Variants in DNER observed in about 807,000 individuals in gnomAD.
DNER encodes the protein delta and Notch-like epidermal growth factor-related receptor.
DNER carries 33 observed loss-of-function variants against 78.2 expected under a neutral mutation model. The observed-to-expected ratio is 0.42, with a 90% CI of 0.32 to 0.56. The LOEUF (loss-of-function observed/expected upper bound fraction) is 0.56, where lower values mean the gene tolerates loss of function less well. Among genes scored for constraint, DNER ranks in the 20% least tolerant of loss-of-function variants. The pLI is 0.11. For missense variants in DNER, 918 were observed against 975.3 expected (o/e 0.94, Z 0.78); for synonymous variants, 417 against 384.8 (o/e 1.08, Z -0.98).
At position 229,499,931 on chromosome 2, in the gene DNER, CTT is replaced by C. The variant is rs58019962; in HGVS notation, c.1147+12850_1147+12851del. Among the ~76,000 whole-genome samples, 327 of 134,794 alleles carry C rather than the reference CTT, an allele frequency of 2.4e-3. 3 individuals carry two copies. Among genetic ancestry groups the C allele is most frequent in the East Asian group, 0.011 (56 of 4,876 alleles). 88.4% of individuals were successfully genotyped at this position (134,794 alleles called of 152,430 possible). A position where few individuals can be genotyped will look rare whatever the true frequency, so the allele number is the denominator to read the frequency against. On this transcript the variant is annotated intron_variant, in intron 6 of 12. Coordinates refer to ENST00000341772, the MANE Select transcript of DNER (RefSeq NM_139072.4). ...CAAAAAATCTGAATAGACTTTCTTT[CTT>C]TTTTTTTTTTTTTCTCTTCAAGACA...
intron 7 of DNER, among the ~76,000 whole-genome samples, chr2:229,463,602 A>G (rs1694746053): frequency 6.6e-6 from 1 of 151,950 alleles, no homozygotes; most frequent in African/African-American, 2.4e-5. Flanking sequence ...ACCACATCCA[A>G]TTAAATTTCA....
At chr2:229,635,036 G>A (rs1698503883) in intron 1 of DNER, among the ~76,000 whole-genome samples, 2 of 152,218 alleles carry the variant, frequency 1.3e-5, no homozygotes, top group Non-Finnish European at 2.9e-5. Flanking sequence ...AGCAGTGTCT[G>A]TGTTGACACA....
In DNER at chr2:229,698,762, C is replaced by T. The variant is rs1336598944; in HGVS notation, c.276+15386G>A. Among the ~76,000 whole-genome samples, 5 of 152,232 alleles carry T rather than the reference C, an allele frequency of 3.3e-5. No individual in the cohort carries two copies. The East Asian group carries it at 9.6e-4, about 29-fold the overall frequency. On this transcript the variant is annotated intron_variant, in intron 1 of 12. Coordinates refer to ENST00000341772, the MANE Select transcript of DNER (RefSeq NM_139072.4). Reference sequence around the variant, plus strand: ...TAATATGGAATTTACTTCTCTCCAGCTAAAGGTTTATTTGGGGCCTCATAG... The same window carrying T: ...TAATATGGAATTTACTTCTCTCCAGTTAAAGGTTTATTTGGGGCCTCATAG...
intron 7 of DNER, among the ~76,000 whole-genome samples, chr2:229,462,928 T>G (rs1054224757): frequency 1.4e-4 from 22 of 152,102 alleles, no homozygotes; most frequent in Non-Finnish European, 2.8e-4. Flanking sequence ...GCTTACAGAG[T>G]TGACTCCTCC....
chr2:229,488,342 G>A (rs1317562668), intron 6 of DNER, among the ~76,000 whole-genome samples: 1 of 152,224 alleles, frequency 6.6e-6, no homozygotes, highest in Non-Finnish European at 1.5e-5. Flanking sequence ...ATGTCTGCGT[G>A]CATGTGTGCA....
At chr2:229,367,696 G>C (rs1314419503) in intron 11 of DNER, among the ~76,000 whole-genome samples, 1 of 152,122 alleles carries the variant, frequency 6.6e-6, no homozygotes, top group East Asian at 1.9e-4. Context: ...CTTGGCTTCA[G>C]AATTACAAAA....
chr2:229,537,507 C>A (rs1696429367), intron 5 of DNER, among the ~76,000 whole-genome samples: 1 of 152,094 alleles, frequency 6.6e-6, no homozygotes, highest in Non-Finnish European at 1.5e-5. Flanking sequence ...ATCTCTTAGA[C>A]CTTGATTTCC....
At chr2:229,623,124 G>A (rs1224457127) in intron 1 of DNER, among the ~76,000 whole-genome samples, 2 of 151,952 alleles carry the variant, frequency 1.3e-5, no homozygotes, top group South Asian at 2.1e-4. Context: ...TGAGACTCTC[G>A]CAGACCTCAT....
intron 9 of DNER, among the ~76,000 whole-genome samples, chr2:229,412,278 C>T (rs1693539572): frequency 6.6e-6 from 1 of 152,184 alleles, no homozygotes; most frequent in South Asian, 2.1e-4. Context: ...TCTAACAATT[C>T]CATAATCTAC....
At chr2:229,446,446 G>A (rs1301071727) in intron 8 of DNER, among the ~76,000 whole-genome samples, 1 of 152,188 alleles carries the variant, frequency 6.6e-6, no homozygotes, top group East Asian at 1.9e-4. Flanking sequence ...GGGTAACGGG[G>A]AGCACGCATT....
intron 5 of DNER, among the ~76,000 whole-genome samples, chr2:229,526,718 T>C (rs964187211): frequency 2.0e-5 from 3 of 152,226 alleles, no homozygotes; most frequent in African/African-American, 7.2e-5. Flanking sequence ...CCACTGACTT[T>C]CTGCTATGCG....
At chr2:229,527,193 C>T (rs926259603) in intron 5 of DNER, among the ~76,000 whole-genome samples, 1 of 152,140 alleles carries the variant, frequency 6.6e-6, no homozygotes, top group Non-Finnish European at 1.5e-5. Flanking sequence ...TAAACTTAGC[C>T]TGGTTTATTT....
At chr2:229,661,284 A>T (rs1003631529) in intron 1 of DNER, among the ~76,000 whole-genome samples, 1 of 152,054 alleles carries the variant, frequency 6.6e-6, no homozygotes, top group Non-Finnish European at 1.5e-5. Context: ...TGCTTCCCCA[A>T]ATCTCCTGTA....
intron 4 of DNER, among the ~76,000 whole-genome samples, chr2:229,573,455 C>A (rs1005323811): frequency 6.6e-6 from 1 of 152,150 alleles, no homozygotes; most frequent in Non-Finnish European, 1.5e-5. Flanking sequence ...ATACCCAAGA[C>A]CTTTGTGAGA....
chr2:229,592,676 T>TAGCA (rs1559176362), intron 1 of DNER, among the ~76,000 whole-genome samples: 16 of 152,158 alleles, frequency 1.1e-4, no homozygotes, highest in African/African-American at 3.4e-4. Flanking sequence ...GTGTTGGTAG[T>TAGCA]TGCAGACACG....
chr2:229,388,758 CA>C (rs137976658), intron 10 of DNER, among the ~76,000 whole-genome samples: 11,837 of 150,324 alleles, frequency 0.079, 625 homozygotes, highest in South Asian at 0.12. Context: ...CCGGGTTGAT[CA>C]GAAAAAGTGA....
chr2:229,359,074 C>G (rs4972896), intron 12 of DNER, among the ~76,000 whole-genome samples: 18,243 of 152,170 alleles, frequency 0.12, 1,833 homozygotes, highest in East Asian at 0.52. Flanking sequence ...CATGGACAGA[C>G]AGCCTTTCCT....
intron 6 of DNER, among the ~76,000 whole-genome samples, chr2:229,492,662 T>C (rs1200756960): frequency 8.6e-6 from 1 of 116,690 alleles, no homozygotes; most frequent in African/African-American, 2.8e-5. Flanking sequence ...TCACAACTCA[T>C]TTTTTACTTA....
intron 1 of DNER, among the ~76,000 whole-genome samples, chr2:229,604,573 G>A (rs559010106): frequency 6.6e-6 from 1 of 152,272 alleles, no homozygotes; most frequent in East Asian, 1.9e-4. Flanking sequence ...GAGGCTTTGG[G>A]TTGATCCGCC....
Sources: allele counts gnomAD v4.1 joint callset (sites outside exome capture counted in the v4.1 genomes callset), GRCh38; gene constraint gnomAD v4.1.1; transcripts MANE v1.5; gene names NCBI Gene and HGNC (gene_info 2026-07-23, HGNC 2026-07-21).